The following SYNE2 variants were observed in gnomAD, a reference collection of about 807,000 sequenced individuals.
SYNE2 encodes the protein spectrin repeat containing nuclear envelope protein 2.
In SYNE2, 431 loss-of-function variants were observed where a neutral mutation model predicts 856.3. The observed-to-expected ratio is 0.50, with a 90% CI of 0.47 to 0.55. The LOEUF is 0.55. Ranked by LOEUF, SYNE2 falls within the 20% of genes least tolerant of loss-of-function variation. The pLI, the probability that SYNE2 is intolerant of heterozygous loss-of-function variation, is 0.00. For synonymous variants in SYNE2, 2,923 were observed against 2,872.3 expected (o/e 1.02, Z -0.56); for missense variants, 8,129 against 8,023.2 (o/e 1.01, Z -0.50).
chr14:63,792,653 ATTTG>A (rs113620942), intron 1 of SYNE2, among the ~76,000 whole-genome samples: 31,796 of 81,242 alleles, frequency 0.39, 3,923 homozygotes, highest in South Asian at 0.44. Context: ...TGTTTTATTT[ATTTG>A]TTTGTTTGTT....
At chr14:63,967,664 T>G in intron 10 of SYNE2, 45 bp from the exon 11 acceptor site, 1 of 1,588,588 alleles carries the variant, frequency 6.3e-7, no homozygotes, top group Non-Finnish European at 8.6e-7. Context: ...ATGATATAAA[T>G]GGAATTAAAC....
intron 18 of SYNE2, among the ~76,000 whole-genome samples, 173 bp from the exon 19 acceptor site, chr14:63,986,283 A>G (rs569839123): frequency 6.6e-6 from 1 of 152,190 alleles, no homozygotes; most frequent in South Asian, 2.1e-4. Flanking sequence ...AATTTTTTGT[A>G]GAGATGAGGT....
intron 42 of SYNE2, 77 bp from the exon 43 acceptor site, chr14:64,027,407 T>C (rs2096989206): frequency 1.1e-6 from 1 of 869,972 alleles, no homozygotes; most frequent in African/African-American, 1.7e-5. Context: ...TATTAGGATG[T>C]GTGTTACATA....
At chr14:63,829,992 T>C (rs1407365787) in intron 1 of SYNE2, among the ~76,000 whole-genome samples, 4 of 152,174 alleles carry the variant, frequency 2.6e-5, no homozygotes, top group Non-Finnish European at 5.9e-5. Context: ...GGAATGTTAT[T>C]TGAAATATAA....
At chr14:63,962,043 TTTTATTTTTG>T (rs1428991865) in intron 9 of SYNE2, among the ~76,000 whole-genome samples, 3 of 151,564 alleles carry the variant, frequency 2.0e-5, no homozygotes, top group Non-Finnish European at 4.4e-5. Context: ...TTATTTTTAT[TTTTATTTTTG>T]TTTATTTATT....
chr14:63,889,046 CAAAAAAAAAA>C (rs200729691), intron 1 of SYNE2, among the ~76,000 whole-genome samples: 61 of 108,636 alleles, frequency 5.6e-4, no homozygotes, highest in African/African-American at 1.7e-3. Context: ...TACTAAAATA[CAAAAAAAAAA>C]AAAAAAAAAA....
chr14:64,086,889 TA>T (rs1318187054), intron 57 of SYNE2, among the ~76,000 whole-genome samples: 10 of 151,700 alleles, frequency 6.6e-5, no homozygotes, highest in Admixed American at 5.2e-4. Flanking sequence ...TTTGTATTTT[TA>T]GTAGAGACAG....
intron 112 of SYNE2, 70 bp downstream of exon 112, chr14:64,221,774 G>A: frequency 5.1e-6 from 8 of 1,572,144 alleles, no homozygotes; most frequent in Non-Finnish European, 7.0e-6. Context: ...GCACACTCAG[G>A]TAGCCTCGCC....
intron 11 of SYNE2, among the ~76,000 whole-genome samples, chr14:63,973,631 C>CAAAAA (rs60498158): frequency 7.4e-5 from 5 of 67,778 alleles, no homozygotes; most frequent in Non-Finnish European, 1.4e-4. Context: ...GAGTCCATCT[C>CAAAAA]AAAAAAAAAA....
intron 51 of SYNE2, among the ~76,000 whole-genome samples, chr14:64,068,847 G>A (rs1407156182): frequency 7.8e-6 from 1 of 128,410 alleles, no homozygotes; most frequent in Non-Finnish European, 1.6e-5. Flanking sequence ...GGGTGACAGA[G>A]AGAGACTCCG....
intron 2 of SYNE2, among the ~76,000 whole-genome samples, chr14:63,935,063 T>G (rs2095813426): frequency 6.6e-6 from 1 of 152,160 alleles, no homozygotes; most frequent in Non-Finnish European, 1.5e-5. Flanking sequence ...AAAGTTATTC[T>G]CTTCTCATGC....
intron 2 of SYNE2, among the ~76,000 whole-genome samples, chr14:63,910,005 G>A (rs576692018): frequency 2.6e-5 from 4 of 152,246 alleles, no homozygotes; most frequent in Admixed American, 2.0e-4. Context: ...TATTTTTGTT[G>A]TATTTTGAAA....
rs754180554 is a variant in SYNE2 at position 63,980,963 on chromosome 14, TTTTTG to T, written c.1649-15_1649-11del. 2 of 1,492,962 alleles carry T rather than the reference TTTTTG, an allele frequency of 1.3e-6. No individual in the cohort carries two copies. Among genetic ancestry groups the T allele is most frequent in the Non-Finnish European group, 9.2e-7 (1 of 1,085,368 alleles). The allele number at this position is 1,492,962 out of a possible 1,614,324, so 92.5% of individuals were successfully genotyped here. The stretch of plus-strand genomic sequence containing the variant: ...TAAAAAATTGTTTTCTAAGATTACT[TTTTTG>T]TTTTGTTAATATTGTAGCTGGAGAA... On this transcript the variant is annotated intron_variant, in intron 15 of 115. Transcript: ENST00000555002.
rs145227848 is a variant in SYNE2, at chr14:64,107,570, G to A, written c.12572G>A (p.Gly4191Asp). 2,392 of 1,614,040 alleles carry A rather than the reference G, an allele frequency of 1.5e-3. 4 individuals are homozygous for A. The highest frequency in any genetic ancestry group is 1.8e-3 in the Non-Finnish European group (2,104 of 1,180,012). ...LTPDSLNTEQGPECSLRPNQT... is the reference protein window; with the variant it reads ...LTPDSLNTEQDPECSLRPNQT... ...CCAGACTCACTAAACACTGAGCAAGGCCCAGAATGTTCCCTAAGGCCCAAC... is the reference window on the plus strand; with the variant it reads ...CCAGACTCACTAAACACTGAGCAAGACCCAGAATGTTCCCTAAGGCCCAAC... Residue 4191 changes from glycine to aspartate, a missense_variant, in exon 65 of 116, where the codon GGC becomes GAC. Gly to Asp is a moderately conservative substitution (Grantham distance 94, BLOSUM62 -1). Coordinates refer to ENST00000555002, the MANE Select transcript of SYNE2 (RefSeq NM_182914.3).
At position 64,022,731 on chromosome 14, in the gene SYNE2, C is replaced by A. The variant is rs2096945211; in HGVS notation, c.5525-20C>A. On this transcript the variant is annotated intron_variant, in intron 37 of 115. Transcript: ENST00000555002. ...TGAAGTCTTCCTTGAATGAATAGAG[C>A]TTTTTTTTTCCCCCTGCAGATCAAT... 7.7e-7 allele frequency: 1 copy of A among 1,293,552 alleles called. No homozygotes were observed. The highest frequency in any genetic ancestry group is 1.1e-6 in the Non-Finnish European group (1 of 895,412). The allele number at this position is 1,293,552 out of a possible 1,614,324, so 80.1% of individuals were successfully genotyped here.
chr14:64,215,224 T>G (rs1408471163), intron 106 of SYNE2, 62 bp from the exon 107 acceptor site: 3 of 1,390,026 alleles, frequency 2.2e-6, no homozygotes, highest in African/African-American at 1.4e-5. Context: ...TACTGTGTGT[T>G]AATACTTGGG....
At chr14:64,083,808 C>T (rs925318758) in intron 57 of SYNE2, among the ~76,000 whole-genome samples, 14 of 152,220 alleles carry the variant, frequency 9.2e-5, no homozygotes, top group African/African-American at 3.4e-4. Flanking sequence ...ACCCTTCTAC[C>T]TGGATTGCAT....
intron 103 of SYNE2, among the ~76,000 whole-genome samples, chr14:64,210,669 A>T (rs183420084): frequency 5.2e-4 from 79 of 152,382 alleles, no homozygotes; most frequent in Non-Finnish European, 9.8e-4. Context: ...TGTCATTCAG[A>T]AGATGTGCTG....
intron 1 of SYNE2, among the ~76,000 whole-genome samples, chr14:63,871,733 G>A (rs572237682): frequency 7.4e-5 from 11 of 148,696 alleles, no homozygotes; most frequent in Admixed American, 6.7e-4. Context: ...AGCTTAAGCT[G>A]CCTGCCTGCC....
Sources: allele counts gnomAD v4.1 joint callset (sites outside exome capture counted in the v4.1 genomes callset), GRCh38; gene constraint gnomAD v4.1.1; transcripts MANE v1.5; gene names NCBI Gene and HGNC (gene_info 2026-07-23, HGNC 2026-07-21).